STUM: variants seen among roughly 807,000 people sequenced by gnomAD.
STUM encodes the protein stum, mechanosensory transduction mediator homolog, also known as protein stum homolog.
Under a neutral mutation model 15.3 loss-of-function variants are expected in STUM, and 8 were observed. The observed-to-expected ratio is 0.52, with a 90% CI of 0.31 to 0.94. The LOEUF (loss-of-function observed/expected upper bound fraction) is 0.94. Among genes scored for constraint, STUM ranks in the 40% least tolerant of loss-of-function variants. STUM has a pLI of 0.05. For synonymous variants in STUM, 78 were observed against 88.7 expected, an observed-to-expected ratio of 0.88 and a Z score of 0.68; for missense variants, 142 against 204.9, an observed-to-expected ratio of 0.69 and a Z score of 1.87.
chr1:226,584,634 G>T (rs1209472229), intron 1 of STUM, among the ~76,000 whole-genome samples: 2 of 152,202 alleles, frequency 1.3e-5, no homozygotes, highest in Non-Finnish European at 2.9e-5. Context: ...ACTCTGCCTG[G>T]TTAACTGGGA....
chr1:226,571,286 A>T (rs568243043), intron 1 of STUM, among the ~76,000 whole-genome samples: 66 of 152,334 alleles, frequency 4.3e-4, no homozygotes, highest in Middle Eastern at 3.4e-3. Flanking sequence ...ATTTGCATAT[A>T]GAAACACTGT....
Position 226,583,338 on chromosome 1 carries a change from G to A in STUM, c.203-13464G>A, listed in dbSNP as rs542248243. On this transcript the variant is annotated intron_variant, in intron 1 of 3. Transcript: ENST00000366788. ...TACCATTCATTCTAGGCCTGTTCTT[G>A]TCTGTTAAAAGAGAATAAAGACTTG... 2.0e-3 allele frequency among the ~76,000 whole-genome samples: 304 copies of A among 152,328 alleles called. 1 individual carries two copies. Among genetic ancestry groups the A allele is most frequent in the African/African-American group, 6.9e-3 (286 of 41,572 alleles).
rs1315561233 is a variant in STUM, at chr1:226,565,516, A to C, written c.202+16410A>C. ...TCCTAAAGATGTTGGTTTCTAACAC[A>C]GTCTTCCTCCTAGAAGCTCTGAAAC... On this transcript the variant is annotated intron_variant, in intron 1 of 3. Transcript: ENST00000366788. The surrounding 1 kb of genome is among the most constrained non-coding windows in gnomAD (Gnocchi z 4.4). 1.3e-5 allele frequency among the ~76,000 whole-genome samples: 2 copies of C among 152,204 alleles called. No individual in the cohort carries two copies. The highest frequency in any genetic ancestry group is 4.8e-5 in the African/African-American group (2 of 41,450).
intron 1 of STUM, among the ~76,000 whole-genome samples, chr1:226,581,170 T>C (rs1410619504): frequency 6.6e-6 from 1 of 152,216 alleles, no homozygotes; most frequent in African/African-American, 2.4e-5. Flanking sequence ...CATAGCTCAT[T>C]GTCCCAAACA....
intron 1 of STUM, among the ~76,000 whole-genome samples, chr1:226,585,171 T>A (rs1667977254): frequency 6.6e-6 from 1 of 152,166 alleles, no homozygotes; most frequent in Admixed American, 6.5e-5. Flanking sequence ...ATGATAATAA[T>A]TTTTTTAAAA....
chr1:226,588,727 G>A (rs1038981598), intron 1 of STUM, among the ~76,000 whole-genome samples: 1 of 152,196 alleles, frequency 6.6e-6, no homozygotes, highest in Non-Finnish European at 1.5e-5. Context: ...GGTGGGGCCC[G>A]GGAAGGTGTA....
chr1:226,585,645 C>T lies in STUM; in HGVS notation c.203-11157C>T, dbSNP rs116246919. On this transcript the variant is annotated intron_variant, in intron 1 of 3. Transcript: ENST00000366788. ...CCTGCCTGCCCCGCCTCAGTCCCCA[C>T]TCAGAGGACTGACCACACAGCATTG... Among the ~76,000 whole-genome samples the T allele has an allele frequency of 6.4e-3, 969 of 152,324 alleles. 13 individuals carry two copies. Among genetic ancestry groups the T allele is most frequent in the African/African-American group, 0.021 (890 of 41,572 alleles).
chr1:226,567,919 G>A lies in STUM; in HGVS notation c.202+18813G>A, dbSNP rs1187975265. Among the ~76,000 whole-genome samples the A allele has an allele frequency of 2.0e-5, 3 of 152,164 alleles. No individual in the cohort carries two copies. The highest frequency in any genetic ancestry group is 1.3e-4 in the Admixed American group (2 of 15,280). ...TATGTATTGTCAGAAATGCGAACAG[G>A]GCACCCCGAGGAGGAGGTACCAGAC... On this transcript the variant is annotated intron_variant, in intron 1 of 3. Transcript: ENST00000366788. This position sits in a 1 kb window ranked among gnomAD's most constrained non-coding sequence, Gnocchi z 4.5.
intron 1 of STUM, among the ~76,000 whole-genome samples, chr1:226,564,408 T>C (rs910924463): frequency 4.6e-5 from 7 of 152,176 alleles, no homozygotes; most frequent in African/African-American, 1.4e-4. Context: ...CATTGTTTCT[T>C]ATTCTTCATG....
At chr1:226,590,751 C>T (rs934459256) in intron 1 of STUM, among the ~76,000 whole-genome samples, 8 of 152,240 alleles carry the variant, frequency 5.3e-5, no homozygotes, top group African/African-American at 1.9e-4. Context: ...GAGCTCTGGA[C>T]TGTGCACCGC....
chr1:226,572,781 AG>A, intron 1 of STUM, among the ~76,000 whole-genome samples: 1 of 152,218 alleles, frequency 6.6e-6, no homozygotes, highest in East Asian at 1.9e-4. Context: ...CCGCGGTACT[AG>A]TTCTGCAGGA....
rs184954922 is a variant in STUM, at chr1:226,565,863, A to G, written c.202+16757A>G. ...AGCATCGCTGCCTTCCCGGAATGTC[A>G]TCTCCCTCTTTCACCTGGAGCCTTC... On this transcript the variant is annotated intron_variant, in intron 1 of 3. Coordinates refer to ENST00000366788, the MANE Select transcript of STUM (RefSeq NM_001003665.4). The surrounding 1 kb of genome is among the most constrained non-coding windows in gnomAD (Gnocchi z 4.4). Among the ~76,000 whole-genome samples the G allele has an allele frequency of 2.6e-5, 4 of 152,262 alleles. No individual in the cohort carries two copies. The highest frequency in any genetic ancestry group is 1.9e-4 in the East Asian group (1 of 5,184).
At chr1:226,550,129 C>T (rs190139943) in intron 1 of STUM, among the ~76,000 whole-genome samples, 21 of 152,328 alleles carry the variant, frequency 1.4e-4, no homozygotes, top group Admixed American at 8.5e-4. Context: ...GAGCCTGTTG[C>T]CAACGTATGG....
rs7512486 is a variant in STUM at position 226,604,387 on chromosome 1, C to T, written c.*2347C>T. 40,294 of 152,052 alleles carry T rather than the reference C, an allele frequency of 0.27. 5,992 individuals carry two copies. Among genetic ancestry groups the T allele is most frequent in the African/African-American group, 0.4 (16,704 of 41,374 alleles). 9.4% of individuals were successfully genotyped at this position (152,052 alleles called of 1,614,324 possible). A position where few individuals can be genotyped will look rare whatever the true frequency, so the allele number is the denominator to read the frequency against. On this transcript the variant is annotated 3_prime_UTR_variant, in exon 4 of 4. Transcript: ENST00000366788. The surrounding 1 kb of genome is among the most constrained non-coding windows in gnomAD (Gnocchi z 4.7). Reference sequence around the variant, plus strand: ...AGATCCTCCTCTCCCCCGAGGGCTGCGTCTCTAAACCTGGGAAAACATCAG... The same window carrying T: ...AGATCCTCCTCTCCCCCGAGGGCTGTGTCTCTAAACCTGGGAAAACATCAG...
In STUM at chr1:226,548,849, T is replaced by C; in HGVS notation, c.-56T>C. 1 of 1,275,714 alleles carries C rather than the reference T, an allele frequency of 7.8e-7. No individual in the cohort carries two copies. Among genetic ancestry groups the C allele is most frequent in the South Asian group, 2.6e-5 (1 of 38,678 alleles). 79.0% of individuals were successfully genotyped at this position (1,275,714 alleles called of 1,614,324 possible). ...CGCAGCCGACAGTCTCCTGCTCCCG[T>C]ACGCTGGGCGCCAGCTCCGGCCGTG... On this transcript the variant is annotated 5_prime_UTR_variant, in exon 1 of 4. Transcript: ENST00000366788.
At chr1:226,580,846 G>A (rs1007932196) in intron 1 of STUM, among the ~76,000 whole-genome samples, 2 of 152,222 alleles carry the variant, frequency 1.3e-5, no homozygotes, top group Admixed American at 1.3e-4. Flanking sequence ...TAGAGTAGAG[G>A]CTCAGCTGCT....
At chr1:226,592,012 TA>T (rs1449497125) in intron 1 of STUM, among the ~76,000 whole-genome samples, 1 of 152,100 alleles carries the variant, frequency 6.6e-6, no homozygotes, top group Non-Finnish European at 1.5e-5. Context: ...TGAAAACCAT[TA>T]AGCATGAAGG....
intron 1 of STUM, among the ~76,000 whole-genome samples, chr1:226,554,500 G>A (rs917542391): frequency 2.0e-5 from 3 of 152,224 alleles, no homozygotes; most frequent in African/African-American, 7.2e-5. Flanking sequence ...GGGACAGTGG[G>A]ATGAGAGTGA....
rs7537299 is a variant in STUM at position 226,552,606 on chromosome 1, C to G, written c.202+3500C>G. On this transcript the variant is annotated intron_variant, in intron 1 of 3. Coordinates refer to ENST00000366788, the MANE Select transcript of STUM (RefSeq NM_001003665.4). The surrounding 1 kb of genome is among the most constrained non-coding windows in gnomAD (Gnocchi z 4.7). ...CACGGAAAGTCGAAGGGAGGAGGAC[C>G]TCCATTGACCTTTAACCACTCCATT... is the stretch of plus-strand genomic sequence containing the variant. Among the ~76,000 whole-genome samples, 20,947 of 152,070 alleles carry G rather than the reference C, an allele frequency of 0.14. 1,628 individuals carry two copies. Among genetic ancestry groups the G allele is most frequent in the African/African-American group, 0.22 (8,930 of 41,442 alleles).
Sources: allele counts gnomAD v4.1 joint callset (sites outside exome capture counted in the v4.1 genomes callset), GRCh38; gene constraint gnomAD v4.1.1; non-coding constraint Gnocchi (gnomAD v3.1); transcripts MANE v1.5; gene names NCBI Gene and HGNC (gene_info 2026-07-23, HGNC 2026-07-21).